The following GCNT2 variants were observed in gnomAD, a reference collection of about 807,000 sequenced individuals.
GCNT2 encodes glucosaminyl (N-acetyl) transferase 2 (I blood group), also known as N-acetyllactosaminide beta-1,6-N-acetylglucosaminyl-transferase.
A neutral mutation model predicts 34.2 loss-of-function variants in GCNT2; 34 were observed. The ratio of observed to expected loss-of-function variants is 1.00; its 90% CI spans 0.76 to 1.32. The LOEUF is 1.32. Among genes scored for constraint, GCNT2 ranks in the 40% most tolerant of loss-of-function variants. The probability of loss-of-function intolerance (pLI) is 0.00; values close to 1 mark genes in which losing one functional copy is unlikely to be tolerated. For synonymous variants in GCNT2, 212 were observed against 188.0 expected (o/e 1.13, Z -1.04); for missense variants, 584 against 489.4 (o/e 1.19, Z -1.82).
At chr6:10,548,314 G>C (rs764321305) in intron 3 of GCNT2, among the ~76,000 whole-genome samples, 1 of 152,180 alleles carries the variant, frequency 6.6e-6, no homozygotes, top group Non-Finnish European at 1.5e-5. Flanking sequence ...AAGCAGATCT[G>C]GGCACTGACA....
chr6:10,560,415 G>C (rs1762923834), intron 3 of GCNT2, among the ~76,000 whole-genome samples: 1 of 152,080 alleles, frequency 6.6e-6, no homozygotes, highest in South Asian at 2.1e-4. Flanking sequence ...TCAATGTCAT[G>C]TTTTAAGAGG....
At chr6:10,557,079 C>T in intron 3 of GCNT2, 2 of 1,593,514 alleles carry the variant, frequency 1.3e-6, no homozygotes, top group South Asian at 2.3e-5. Flanking sequence ...GGGGTGCTGC[C>T]CCCAGCTCAT....
intron 3 of GCNT2, among the ~76,000 whole-genome samples, chr6:10,578,821 TTTGTTG>T (rs554215883): frequency 1.3e-5 from 2 of 151,998 alleles, no homozygotes; most frequent in Non-Finnish European, 2.9e-5. Flanking sequence ...TTAGATCCAT[TTTGTTG>T]TTGTTGTTGT....
intron 3 of GCNT2, among the ~76,000 whole-genome samples, chr6:10,564,758 A>G (rs1035145955): frequency 6.6e-6 from 1 of 152,112 alleles, no homozygotes; most frequent in Non-Finnish European, 1.5e-5. Context: ...AGTTATTGTT[A>G]TTGTATTTTC....
At chr6:10,622,342 A>G (rs995451533) in intron 4 of GCNT2, among the ~76,000 whole-genome samples, 11 of 152,052 alleles carry the variant, frequency 7.2e-5, no homozygotes, top group African/African-American at 2.7e-4. Flanking sequence ...CTGGAAGTCC[A>G]AGATCCAGGT....
At chr6:10,546,808 A>T (rs545392250) in intron 3 of GCNT2, among the ~76,000 whole-genome samples, 1 of 152,346 alleles carries the variant, frequency 6.6e-6, no homozygotes, top group South Asian at 2.1e-4. Flanking sequence ...TAAACAGTAC[A>T]CAAAAGATTA....
At chr6:10,580,138 G>A (rs1764006011) in intron 3 of GCNT2, among the ~76,000 whole-genome samples, 1 of 152,166 alleles carries the variant, frequency 6.6e-6, no homozygotes, top group Non-Finnish European at 1.5e-5. Context: ...GCATCCTGAG[G>A]GCCAAATGCC....
At chr6:10,604,486 T>C (rs1382314249) in intron 3 of GCNT2, among the ~76,000 whole-genome samples, 1 of 152,204 alleles carries the variant, frequency 6.6e-6, no homozygotes, top group African/African-American at 2.4e-5. Flanking sequence ...TAAAGAAAGT[T>C]GCTGTATTTG....
Position 10,586,076 on chromosome 6 carries a change from G to A in GCNT2, c.926-35275G>A, listed in dbSNP as rs201305914. 54 of 1,614,082 alleles carry A rather than the reference G, an allele frequency of 3.3e-5. 1 individual carries two copies. The highest frequency in any genetic ancestry group is 8.9e-5 in the East Asian group (4 of 44,888). The stretch of plus-strand genomic sequence containing the variant: ...GATTTTACAGTAGCCAATTGAGCCC[G>A]CCAAAAAGTTATGAGAAGCTGAACA... On this transcript the variant is annotated intron_variant, in intron 3 of 4. Transcript: ENST00000495262.
chr6:10,528,595 A>G, intron 2 of GCNT2, 36 bp from the exon 3 acceptor site: 1 of 411,298 alleles, frequency 2.4e-6, no homozygotes, highest in South Asian at 2.3e-5. Context: ...ACCCCCTGGA[A>G]TCAGAACCTC....
intron 3 of GCNT2, among the ~76,000 whole-genome samples, chr6:10,605,677 CAG>C (rs989520825): frequency 1.3e-5 from 2 of 152,058 alleles, no homozygotes; most frequent in African/African-American, 4.8e-5. Flanking sequence ...AAGCTAGCGT[CAG>C]GGATAAAAAC....
intron 3 of GCNT2, among the ~76,000 whole-genome samples, chr6:10,551,239 G>T (rs1040661138): frequency 2.6e-5 from 4 of 151,764 alleles, no homozygotes; most frequent in African/African-American, 9.7e-5. Context: ...GTATTTGCTT[G>T]GCATCATTCA....
chr6:10,542,224 G>A (rs1762066106), intron 3 of GCNT2, among the ~76,000 whole-genome samples: 2 of 152,078 alleles, frequency 1.3e-5, no homozygotes, highest in African/African-American at 4.8e-5. Context: ...GCTGTTTCCT[G>A]CCCCAGTTTT....
chr6:10,532,707 G>A (rs1164924106), intron 3 of GCNT2, among the ~76,000 whole-genome samples: 2 of 152,124 alleles, frequency 1.3e-5, no homozygotes, highest in African/African-American at 2.4e-5. Context: ...GGGCCCAAGC[G>A]ATCCTCCTGC....
intron 3 of GCNT2, among the ~76,000 whole-genome samples, chr6:10,614,500 C>T (rs1765681178): frequency 6.6e-6 from 1 of 151,884 alleles, no homozygotes; most frequent in Non-Finnish European, 1.5e-5. Flanking sequence ...GTGGCACGCC[C>T]CTCTAGTCCC....
chr6:10,574,385 GAA>G (rs1482682507), intron 3 of GCNT2, among the ~76,000 whole-genome samples: 1 of 152,186 alleles, frequency 6.6e-6, no homozygotes, highest in Non-Finnish European at 1.5e-5. Flanking sequence ...TTACAGAAAA[GAA>G]AACTGAGGCT....
chr6:10,623,003 T>C (rs1246355950), intron 4 of GCNT2, among the ~76,000 whole-genome samples: 1 of 151,950 alleles, frequency 6.6e-6, no homozygotes, highest in Non-Finnish European at 1.5e-5. Context: ...TCTGCCCCCC[T>C]TGGTCCCCCA....
chr6:10,525,860 C>G (rs1447959404), intron 1 of GCNT2, among the ~76,000 whole-genome samples: 1 of 152,184 alleles, frequency 6.6e-6, no homozygotes, highest in East Asian at 1.9e-4. Flanking sequence ...GCAAATAATT[C>G]AAGATGCTTC....
chr6:10,569,235 C>CACACACACACACACACACACACA (rs1554131675), intron 3 of GCNT2, among the ~76,000 whole-genome samples: 1 of 47,464 alleles, frequency 2.1e-5, no homozygotes. Flanking sequence ...ACTCCCCCCG[C>CACACACACACACACACACACACA]CACACACACA....
Sources: allele counts gnomAD v4.1 joint callset (sites outside exome capture counted in the v4.1 genomes callset), GRCh38; gene constraint gnomAD v4.1.1; transcripts MANE v1.5; gene names NCBI Gene and HGNC (gene_info 2026-07-23, HGNC 2026-07-21).